The following KHDRBS2 variants were observed in gnomAD, a reference collection of about 807,000 sequenced individuals.
KHDRBS2 encodes KH RNA binding domain containing, signal transduction associated 2, also known as KH domain-containing, RNA-binding, signal transduction-associated protein 2.
In KHDRBS2, 26 loss-of-function variants were observed where a neutral mutation model predicts 44.3. The observed-to-expected ratio is 0.59, with a 90% confidence interval of 0.43 to 0.81. KHDRBS2 has a LOEUF of 0.81. KHDRBS2 is among the 40% of genes least tolerant of loss of function. KHDRBS2 has a pLI of 0.00. For missense variants in KHDRBS2, 476 were observed against 433.1 expected, an observed-to-expected ratio of 1.10 and a Z score of -0.88; for synonymous variants, 194 against 151.1, an observed-to-expected ratio of 1.28 and a Z score of -2.08.
chr6:62,007,387 C>A (rs1779446943), intron 3 of KHDRBS2, among the ~76,000 whole-genome samples: 1 of 150,930 alleles, frequency 6.6e-6, no homozygotes, highest in Non-Finnish European at 1.5e-5. Context: ...GGTTAAAGCT[C>A]TTTTACATTT....
chr6:62,276,948 T>C (rs1841026738), intron 1 of KHDRBS2, among the ~76,000 whole-genome samples: 1 of 152,196 alleles, frequency 6.6e-6, no homozygotes, highest in African/African-American at 2.4e-5. Context: ...TTAATTTGTT[T>C]AATTTGTAAA....
intron 1 of KHDRBS2, among the ~76,000 whole-genome samples, chr6:62,262,889 C>G (rs990211186): frequency 3.3e-5 from 5 of 151,640 alleles, no homozygotes; most frequent in African/African-American, 1.2e-4. Flanking sequence ...AAATTTTTCT[C>G]TAGAGAGAAA....
chr6:61,605,348 G>A, the KHDRBS2 span, among the ~76,000 whole-genome samples: 1 of 152,046 alleles, frequency 6.6e-6, no homozygotes, highest in Non-Finnish European at 1.5e-5. Context: ...GCTTCTCCAA[G>A]CCATAGCTTA....
At chr6:62,026,224 A>C (rs1370263099) in intron 3 of KHDRBS2, among the ~76,000 whole-genome samples, 1 of 151,502 alleles carries the variant, frequency 6.6e-6, no homozygotes, top group Non-Finnish European at 1.5e-5. Context: ...GAATTCTATA[A>C]CACTTTCCCC....
At chr6:61,709,174 C>T (rs556847373) in intron 7 of KHDRBS2, among the ~76,000 whole-genome samples, 42 of 151,614 alleles carry the variant, frequency 2.8e-4, no homozygotes, top group Non-Finnish European at 4.7e-4. Context: ...TTCTCTTTTT[C>T]GTATGCATAA....
At chr6:62,010,380 GC>G (rs1254920535) in intron 3 of KHDRBS2, among the ~76,000 whole-genome samples, 23 of 152,286 alleles carry the variant, frequency 1.5e-4, no homozygotes, top group African/African-American at 5.3e-4. Context: ...GAAGGGACTT[GC>G]CTTGTCTTGG....
intron 6 of KHDRBS2, among the ~76,000 whole-genome samples, chr6:61,858,481 T>C (rs1232764938): frequency 6.6e-6 from 1 of 151,924 alleles, no homozygotes. Context: ...TAACTGAAAA[T>C]GTTTTTGACC....
chr6:62,010,941 T>TA (rs1780183643), intron 3 of KHDRBS2, among the ~76,000 whole-genome samples: 1 of 152,080 alleles, frequency 6.6e-6, no homozygotes, highest in Non-Finnish European at 1.5e-5. Context: ...CCTCCTGTAT[T>TA]AAAAAAATAA....
intron 6 of KHDRBS2, among the ~76,000 whole-genome samples, chr6:61,754,297 C>T (rs1778160977): frequency 1.3e-5 from 2 of 152,084 alleles, no homozygotes; most frequent in Non-Finnish European, 2.9e-5. Flanking sequence ...GGAGCAATGA[C>T]CTGACCCATT....
intron 7 of KHDRBS2, among the ~76,000 whole-genome samples, chr6:61,718,174 C>A (rs1172556718): frequency 6.6e-6 from 1 of 152,028 alleles, no homozygotes; most frequent in Non-Finnish European, 1.5e-5. Context: ...AAACTGATAG[C>A]TCCAAGTAGT....
At chr6:62,265,838 T>G (rs1364199486) in intron 1 of KHDRBS2, among the ~76,000 whole-genome samples, 2 of 152,206 alleles carry the variant, frequency 1.3e-5, no homozygotes, top group East Asian at 3.9e-4. Flanking sequence ...ATTTCTCTTT[T>G]GAATACAAAC....
At chr6:62,200,716 G>C (rs879847321) in intron 1 of KHDRBS2, among the ~76,000 whole-genome samples, 16 of 152,034 alleles carry the variant, frequency 1.1e-4, no homozygotes, top group Admixed American at 2.6e-4. Context: ...ACCATTTGAC[G>C]CAGCCATCCC....
At chr6:61,690,012 T>G (rs1183893352) in intron 8 of KHDRBS2, among the ~76,000 whole-genome samples, 1 of 151,982 alleles carries the variant, frequency 6.6e-6, no homozygotes, top group Non-Finnish European at 1.5e-5. Flanking sequence ...TCCAAAATAC[T>G]TAGCAAATAT....
intron 1 of KHDRBS2, among the ~76,000 whole-genome samples, chr6:62,197,506 T>C (rs1484482844): frequency 1.3e-5 from 2 of 152,128 alleles, no homozygotes; most frequent in Non-Finnish European, 2.9e-5. Context: ...ACCGTTCTTA[T>C]AAGACATGCT....
At chr6:61,574,546 A>T in the KHDRBS2 span, 1 of 535,444 alleles carries the variant, frequency 1.9e-6, no homozygotes, top group South Asian at 2.1e-5. Flanking sequence ...TCCGAGCAAC[A>T]TATGCTGAGA....
At chr6:61,726,669 A>G (rs113477898) in intron 7 of KHDRBS2, among the ~76,000 whole-genome samples, 3 of 152,134 alleles carry the variant, frequency 2.0e-5, no homozygotes, top group African/African-American at 4.8e-5. Flanking sequence ...ACTCCCATTG[A>G]TCACTGCCAC....
chr6:61,833,461 T>C (rs184268400), intron 6 of KHDRBS2, among the ~76,000 whole-genome samples: 1 of 152,192 alleles, frequency 6.6e-6, no homozygotes, highest in Non-Finnish European at 1.5e-5. Flanking sequence ...TCCTATATAA[T>C]ACCATATGTT....
the KHDRBS2 span, among the ~76,000 whole-genome samples, chr6:61,601,858 G>A: frequency 3.9e-5 from 6 of 151,994 alleles, no homozygotes; most frequent in South Asian, 2.1e-4. Context: ...GTTTCATTCC[G>A]TGACTAGCCC....
the KHDRBS2 span, among the ~76,000 whole-genome samples, chr6:61,568,579 CTG>C: frequency 2.0e-5 from 3 of 152,050 alleles, no homozygotes; most frequent in African/African-American, 7.2e-5. Context: ...AGGTGAAAAA[CTG>C]TGACTTCCCA....
Sources: gnomAD v4.1 joint callset for allele counts (sites outside exome capture counted in the v4.1 genomes callset) on GRCh38, gnomAD v4.1.1 for gene constraint, MANE v1.5 for transcripts, NCBI Gene and HGNC (gene_info 2026-07-23, HGNC 2026-07-21) for gene names.